Variants in CIB4 observed in about 807,000 individuals in gnomAD.
CIB4 encodes calcium and integrin-binding family member 4.
Under a neutral mutation model 25.8 loss-of-function variants are expected in CIB4, and 25 were observed. The observed-to-expected ratio is 0.97, with a 90% CI of 0.71 to 1.35. The LOEUF is 1.35. Among genes scored for constraint, CIB4 ranks in the 40% most tolerant of loss-of-function variants. The pLI is 0.00. For synonymous variants in CIB4, 75 were observed against 81.4 expected (o/e 0.92, Z 0.42); for missense variants, 235 against 228.2 (o/e 1.03, Z -0.19).
intron 3 of CIB4, among the ~76,000 whole-genome samples, chr2:26,621,173 G>A (rs986832733): frequency 1.3e-5 from 2 of 150,550 alleles, no homozygotes; most frequent in Non-Finnish European, 2.9e-5. Context: ...TCACACACAG[G>A]GGAAAGGACT....
intron 3 of CIB4, among the ~76,000 whole-genome samples, chr2:26,617,210 G>A (rs1296597016): frequency 1.3e-5 from 2 of 152,032 alleles, no homozygotes; most frequent in Non-Finnish European, 2.9e-5. Flanking sequence ...TTCAGCCTAG[G>A]AACAGTTGGG....
intron 4 of CIB4, among the ~76,000 whole-genome samples, chr2:26,594,829 T>G (rs562559597): frequency 6.6e-6 from 1 of 152,286 alleles, no homozygotes; most frequent in East Asian, 1.9e-4. Context: ...CAAATTTTCT[T>G]AACTTCCCAT....
chr2:26,582,273 C>G (rs1161875775), intron 6 of CIB4, among the ~76,000 whole-genome samples: 1 of 152,188 alleles, frequency 6.6e-6, no homozygotes. Context: ...CCAGGGGGCA[C>G]GCATCTCCCG....
intron 3 of CIB4, among the ~76,000 whole-genome samples, chr2:26,601,830 T>A (rs1668798253): frequency 6.6e-6 from 1 of 152,152 alleles, no homozygotes; most frequent in African/African-American, 2.4e-5. Flanking sequence ...GAAGAACCAT[T>A]GATTAATGAA....
chr2:26,613,888 G>A (rs1018151834), intron 3 of CIB4, among the ~76,000 whole-genome samples: 3 of 152,212 alleles, frequency 2.0e-5, no homozygotes, highest in Admixed American at 6.5e-5. Context: ...ATGTGTCCCC[G>A]CATCTCAGCT....
Position 26,641,317 on chromosome 2 carries a change from C to A in CIB4, c.-3G>T. On this transcript the variant is annotated 5_prime_UTR_variant, in exon 1 of 7. Transcript: ENST00000288861. ...TGATACCTCAAGCATTGCCCCATGC[C>A]AACCACACCTTTCTGTCTGCCAGCA... 1 of 1,613,288 alleles carries A rather than the reference C, an allele frequency of 6.2e-7. No homozygotes were observed. Among genetic ancestry groups the A allele is most frequent in the Non-Finnish European group, 8.5e-7 (1 of 1,179,370 alleles).
At chr2:26,589,652 C>T (rs771451288) in intron 4 of CIB4, among the ~76,000 whole-genome samples, 4 of 152,190 alleles carry the variant, frequency 2.6e-5, no homozygotes, top group Admixed American at 6.5e-5. Flanking sequence ...AAGCCATTCT[C>T]CTGTCTTTCT....
At chr2:26,600,070 T>C (rs1668753197) in intron 3 of CIB4, among the ~76,000 whole-genome samples, 1 of 13,094 alleles carries the variant, frequency 7.6e-5, no homozygotes, top group Non-Finnish European at 1.9e-4. Flanking sequence ...AGACTCTGTC[T>C]CAAAAAAAAA....
At chr2:26,640,508 A>C in intron 2 of CIB4, 25 bp downstream of exon 2, 1 of 1,612,028 alleles carries the variant, frequency 6.2e-7, no homozygotes. Context: ...TGGGAGAAGG[A>C]AAGAGGGGCG....
intron 3 of CIB4, among the ~76,000 whole-genome samples, chr2:26,613,527 C>A (rs745884093): frequency 7.6e-4 from 116 of 152,218 alleles, no homozygotes; most frequent in Non-Finnish European, 2.8e-4. Context: ...TGCAATCCCC[C>A]TCCCTTTCCT....
At position 26,627,921 on chromosome 2, in the gene CIB4, C is replaced by A. The variant is rs968622067; in HGVS notation, c.186+1489G>T. 6.6e-6 allele frequency among the ~76,000 whole-genome samples: 1 copy of A among 152,132 alleles called. No individual in the cohort carries two copies. The highest frequency in any genetic ancestry group is 1.5e-5 in the Non-Finnish European group (1 of 68,020). On this transcript the variant is annotated intron_variant, in intron 3 of 6. Transcript: ENST00000288861. The surrounding 1 kb of genome is among the most constrained non-coding windows in gnomAD (Gnocchi z 4.0). ...CCGTGGCTTGAATGACATGTCTGTGCCCCCTCCATGTCCCTTCCTCAGGAG... is the reference window on the plus strand; with the variant it reads ...CCGTGGCTTGAATGACATGTCTGTGACCCCTCCATGTCCCTTCCTCAGGAG...
rs1322299861 is a variant in CIB4, at chr2:26,601,228, AAAAAT to A, written c.187-5916_187-5912del. ...GAGTGAGACCATGTCAAAAAAAAAA[AAAAAT>A]ATATATATATATATATATATATATA... On this transcript the variant is annotated intron_variant, in intron 3 of 6. Transcript: ENST00000288861. Among the ~76,000 whole-genome samples, 107 of 79,740 alleles carry A rather than the reference AAAAAT, an allele frequency of 1.3e-3. 2 individuals carry two copies. Among genetic ancestry groups the A allele is most frequent in the African/African-American group, 4.2e-3 (71 of 16,948 alleles). 52.3% of individuals were successfully genotyped at this position (79,740 alleles called of 152,430 possible). A position where few individuals can be genotyped will look rare whatever the true frequency, so the allele number is the denominator to read the frequency against.
intron 1 of CIB4, 149 bp downstream of exon 1, chr2:26,641,112 G>T: frequency 1.4e-6 from 1 of 708,950 alleles, no homozygotes; most frequent in Non-Finnish European, 2.6e-6. Context: ...TTTTATGTGT[G>T]GCCCAAGACA....
At chr2:26,621,746 G>A (rs1037593820) in intron 3 of CIB4, among the ~76,000 whole-genome samples, 3 of 152,118 alleles carry the variant, frequency 2.0e-5, no homozygotes, top group Non-Finnish European at 2.9e-5. Context: ...AATCTGAGAT[G>A]GTCATGAAAG....
intron 3 of CIB4, among the ~76,000 whole-genome samples, chr2:26,597,286 T>C (rs1295992194): frequency 1.3e-5 from 2 of 152,334 alleles, no homozygotes; most frequent in South Asian, 2.1e-4. Flanking sequence ...CACTGACTGA[T>C]GTAAGGGAAG....
chr2:26,622,096 C>T (rs1174233407), intron 3 of CIB4, among the ~76,000 whole-genome samples: 2 of 152,144 alleles, frequency 1.3e-5, no homozygotes, highest in Non-Finnish European at 2.9e-5. Flanking sequence ...CATGGTGGCT[C>T]ACGCCTGTAA....
At chr2:26,582,378 G>A (rs1229539807) in intron 6 of CIB4, among the ~76,000 whole-genome samples, 2 of 152,200 alleles carry the variant, frequency 1.3e-5, no homozygotes, top group Admixed American at 1.3e-4. Context: ...AAGACCCTTT[G>A]GGCCCCTCCT....
At chr2:26,589,054 T>TCC (rs1668520778) in intron 4 of CIB4, among the ~76,000 whole-genome samples, 2 of 39,958 alleles carry the variant, frequency 5.0e-5, no homozygotes, top group African/African-American at 2.2e-4. Flanking sequence ...CTTCTTCTTC[T>TCC]TCTTCCTCTT....
chr2:26,607,440 C>T (rs1350929464), intron 3 of CIB4, among the ~76,000 whole-genome samples: 3 of 152,206 alleles, frequency 2.0e-5, no homozygotes, highest in Non-Finnish European at 2.9e-5. Context: ...TATCTATCCA[C>T]GTTTGTACAT....
Sources: gnomAD v4.1 joint callset for allele counts (sites outside exome capture counted in the v4.1 genomes callset) on GRCh38, gnomAD v4.1.1 for gene constraint, Gnocchi (gnomAD v3.1) non-coding constraint, MANE v1.5 for transcripts, NCBI Gene and HGNC (gene_info 2026-07-23, HGNC 2026-07-21) for gene names.